Variants in DLG1 observed in about 807,000 individuals in gnomAD.
DLG1 encodes the protein discs large MAGUK scaffold protein 1.
A neutral mutation model predicts 123.4 loss-of-function variants in DLG1; 42 were observed. The ratio of observed to expected loss-of-function variants is 0.34; its 90% confidence interval spans 0.27 to 0.44. The LOEUF (loss-of-function observed/expected upper bound fraction) is 0.44. Ranked by LOEUF, DLG1 falls within the 20% of genes least tolerant of loss-of-function variation. The pLI is 1.00. For synonymous variants in DLG1, 317 were observed against 356.2 expected, an observed-to-expected ratio of 0.89 and a Z score of 1.24; for missense variants, 942 against 1,082.6, an observed-to-expected ratio of 0.87 and a Z score of 1.82.
intron 6 of DLG1, among the ~76,000 whole-genome samples, chr3:197,149,044 A>C (rs1170916395): frequency 6.6e-6 from 1 of 152,182 alleles, no homozygotes; most frequent in African/African-American, 2.4e-5. Context: ...TTACCTTAAC[A>C]AATTATGTTG....
intron 4 of DLG1, among the ~76,000 whole-genome samples, chr3:197,267,091 G>C (rs1298492567): frequency 1.3e-5 from 2 of 152,122 alleles, no homozygotes; most frequent in African/African-American, 2.4e-5. Flanking sequence ...GATTACAGTG[G>C]AAAACACAAG....
At chr3:197,288,190 C>T (rs1772761486) in intron 3 of DLG1, among the ~76,000 whole-genome samples, 1 of 151,508 alleles carries the variant, frequency 6.6e-6, no homozygotes, top group African/African-American at 2.4e-5. Context: ...ATGGTGAAAC[C>T]CTGTCTCTAC....
chr3:197,212,308 C>T (rs188317947), intron 4 of DLG1, among the ~76,000 whole-genome samples: 1 of 117,358 alleles, frequency 8.5e-6, no homozygotes, highest in Admixed American at 8.7e-5. Flanking sequence ...ACTTGCCTCA[C>T]TTGTTTTCAA....
intron 4 of DLG1, among the ~76,000 whole-genome samples, 180 bp from the exon 5 acceptor site, chr3:197,194,769 TATTTA>T (rs1281763487): frequency 2.0e-5 from 3 of 152,172 alleles, no homozygotes; most frequent in Admixed American, 6.5e-5. Flanking sequence ...ATAATAAAAT[TATTTA>T]ATTTAAACAT....
intron 5 of DLG1, among the ~76,000 whole-genome samples, chr3:197,157,157 T>C (rs1165445303): frequency 6.6e-6 from 1 of 152,170 alleles, no homozygotes; most frequent in Non-Finnish European, 1.5e-5. Flanking sequence ...GACCACTAGC[T>C]GAATAGTTGA....
intron 11 of DLG1, among the ~76,000 whole-genome samples, chr3:197,124,687 C>A (rs1357188900): frequency 6.6e-6 from 1 of 152,126 alleles, no homozygotes; most frequent in Non-Finnish European, 1.5e-5. Flanking sequence ...AACAACCCTC[C>A]TGCCTCAGCC....
intron 14 of DLG1, among the ~76,000 whole-genome samples, chr3:197,097,030 G>A (rs760288990): frequency 1.3e-5 from 2 of 152,158 alleles, no homozygotes; most frequent in Non-Finnish European, 2.9e-5. Context: ...TTAAAGACAT[G>A]ACCTCAGACA....
At chr3:197,092,309 T>G (rs1301780707) in intron 14 of DLG1, among the ~76,000 whole-genome samples, 1 of 152,224 alleles carries the variant, frequency 6.6e-6, no homozygotes, top group Non-Finnish European at 1.5e-5. Flanking sequence ...TATGAGTAAT[T>G]CTGGTTCTCA....
In DLG1 at chr3:197,271,069, A is replaced by G. The variant is rs1254132349; in HGVS notation, c.318+11610T>C. ...TACAAAAGACTAGAGACACTGTACC[A>G]GATTTGGTATGTGTATTCCCAACCC... On this transcript the variant is annotated intron_variant, in intron 4 of 24. Coordinates refer to ENST00000667157, the MANE Select transcript of DLG1 (RefSeq NM_001366207.1). Among the ~76,000 whole-genome samples, 4 of 152,204 alleles carry G rather than the reference A, an allele frequency of 2.6e-5. No individual in the cohort carries two copies. The East Asian group carries it at 5.8e-4, about 22-fold the overall frequency.
In DLG1 at chr3:197,130,612, G is replaced by A. The variant is rs367564452; in HGVS notation, c.1080C>T (p.Asn360=). The A allele has an allele frequency of 2.5e-6, 4 of 1,611,042 alleles. No individual in the cohort carries two copies. The highest frequency in any genetic ancestry group is 2.5e-6 in the Non-Finnish European group (3 of 1,178,950). ...THEEAVTALK[N]TSDFVYLKVA... is the part of the protein sequence containing the mutation. ...CTTTCAAATAAACAAAATCAGATGT[G>A]TTCTTTAAGGCAGTTACTGCTTCTT... Residue 360 remains asparagine, a synonymous_variant, in exon 11 of 25, where the codon AAC becomes AAT. Coordinates refer to ENST00000667157, the MANE Select transcript of DLG1 (RefSeq NM_001366207.1).
intron 18 of DLG1, among the ~76,000 whole-genome samples, chr3:197,072,399 A>T (rs951470922): frequency 4.0e-5 from 6 of 151,366 alleles, no homozygotes; most frequent in African/African-American, 1.5e-4. Context: ...TAATACATTA[A>T]AAGCAGGCAT....
At chr3:197,261,038 C>A (rs538394026) in intron 4 of DLG1, among the ~76,000 whole-genome samples, 3 of 152,148 alleles carry the variant, frequency 2.0e-5, no homozygotes, top group Non-Finnish European at 4.4e-5. Flanking sequence ...TTACTAAATC[C>A]ATTTCACTGA....
intron 11 of DLG1, among the ~76,000 whole-genome samples, chr3:197,128,724 G>A (rs1050472868): frequency 2.0e-5 from 3 of 152,224 alleles, no homozygotes; most frequent in Non-Finnish European, 4.4e-5. Flanking sequence ...GGACTACAGA[G>A]TGGATGACAA....
In DLG1 at chr3:197,054,211, C is replaced by T. The variant is rs369030231; in HGVS notation, c.2484-2543G>A. Among the ~76,000 whole-genome samples, 41 of 152,264 alleles carry T rather than the reference C, an allele frequency of 2.7e-4. 1 individual carries two copies. The South Asian group carries it at 6.6e-3, about 25-fold the overall frequency. ...TTCTGACACTTTGATTATAATGTGC[C>T]GCAGTGTGGGTATCTAAGTTTATCC... On this transcript the variant is annotated intron_variant, in intron 23 of 24. Coordinates refer to ENST00000667157, the MANE Select transcript of DLG1 (RefSeq NM_001366207.1).
chr3:197,116,774 G>A (rs562614677), intron 12 of DLG1, among the ~76,000 whole-genome samples: 1 of 152,044 alleles, frequency 6.6e-6, no homozygotes, highest in Non-Finnish European at 1.5e-5. Context: ...GAAACCAAGA[G>A]TATACCGAAG....
chr3:197,169,077 T>C (rs867225917), intron 5 of DLG1, among the ~76,000 whole-genome samples: 1 of 152,236 alleles, frequency 6.6e-6, no homozygotes, highest in African/African-American at 2.4e-5. Flanking sequence ...TTTAAGATCT[T>C]AAAATTATAA....
chr3:197,288,340 G>A (rs1772851948), intron 3 of DLG1, among the ~76,000 whole-genome samples: 1 of 130,400 alleles, frequency 7.7e-6, no homozygotes, highest in Non-Finnish European at 1.6e-5. Flanking sequence ...CTCCAGCCTG[G>A]TGACAGATCA....
chr3:197,217,861 A>T (rs901781890), intron 4 of DLG1, among the ~76,000 whole-genome samples: 1 of 152,188 alleles, frequency 6.6e-6, no homozygotes, highest in African/African-American at 2.4e-5. Flanking sequence ...CATCTTGATT[A>T]TAGTGATGGT....
intron 5 of DLG1, among the ~76,000 whole-genome samples, chr3:197,156,275 A>G (rs1424309869): frequency 6.6e-6 from 1 of 152,210 alleles, no homozygotes; most frequent in Non-Finnish European, 1.5e-5. Flanking sequence ...TGTAATCCCC[A>G]TGGTAACCAC....
Sources: allele counts gnomAD v4.1 joint callset (sites outside exome capture counted in the v4.1 genomes callset), GRCh38; gene constraint gnomAD v4.1.1; transcripts MANE v1.5; gene names NCBI Gene and HGNC (gene_info 2026-07-23, HGNC 2026-07-21).